The following UBE3C variants were observed in gnomAD, a reference collection of about 807,000 sequenced individuals.
UBE3C encodes ubiquitin protein ligase E3C.
A neutral mutation model predicts 129.4 loss-of-function variants in UBE3C; 42 were observed. The ratio of observed to expected loss-of-function variants is 0.32; its 90% CI spans 0.25 to 0.42. UBE3C has a LOEUF of 0.42. Among genes scored for constraint, UBE3C ranks in the 10% least tolerant of loss-of-function variants. UBE3C has a pLI of 1.00. For missense variants in UBE3C, 1,049 were observed against 1,319.1 expected (o/e 0.80, Z 3.17); for synonymous variants, 510 against 492.4 (o/e 1.04, Z -0.47).
intron 18 of UBE3C, among the ~76,000 whole-genome samples, chr7:157,235,713 A>G (rs1181660826): frequency 6.6e-6 from 1 of 152,252 alleles, no homozygotes; most frequent in Non-Finnish European, 1.5e-5. Context: ...ACCAATAACA[A>G]AACTAAGAGT....
At chr7:157,147,692 T>C (rs1807645115) in intron 1 of UBE3C, among the ~76,000 whole-genome samples, 1 of 152,202 alleles carries the variant, frequency 6.6e-6, no homozygotes, top group Non-Finnish European at 1.5e-5. Context: ...TTGGTAGATA[T>C]TCTTTATCAA....
chr7:157,139,839 A>G (rs1410980686), intron 1 of UBE3C, among the ~76,000 whole-genome samples: 1 of 152,234 alleles, frequency 6.6e-6, no homozygotes, highest in African/African-American at 2.4e-5. Flanking sequence ...TTTCGGTTGT[A>G]GAAGGTGAAC....
chr7:157,237,887 TAA>T (rs3837147), intron 18 of UBE3C, among the ~76,000 whole-genome samples: 20 of 110,932 alleles, frequency 1.8e-4, no homozygotes, highest in Admixed American at 1.7e-4. Context: ...TCTCTACCAC[TAA>T]AAAAAAAAAA....
chr7:157,198,228 C>T, intron 10 of UBE3C: 1 of 1,433,238 alleles, frequency 7.0e-7, no homozygotes, highest in Non-Finnish European at 9.9e-7. Context: ...AAAGGAATTA[C>T]CCAATCTGTA....
At chr7:157,197,753 A>T in intron 10 of UBE3C, 1 of 1,611,950 alleles carries the variant, frequency 6.2e-7, no homozygotes, top group Non-Finnish European at 8.5e-7. Context: ...AGTTCCGGAC[A>T]TCCAGGATCC....
At chr7:157,140,456 C>G (rs548137931) in intron 1 of UBE3C, among the ~76,000 whole-genome samples, 37 of 152,208 alleles carry the variant, frequency 2.4e-4, no homozygotes, top group African/African-American at 7.9e-4. Flanking sequence ...CACTTGTGCT[C>G]CAGAACTAAG....
Position 157,220,790 on chromosome 7 carries a change from G to T in UBE3C, c.2002+14G>T. 1.2e-6 allele frequency: 2 copies of T among 1,613,742 alleles called. No homozygotes were observed. The highest frequency in any genetic ancestry group is 1.7e-6 in the Non-Finnish European group (2 of 1,179,734). ...CCACCCTGGACGGTGAGTTCTCTAG[G>T]ACACAGGGTTACTGAGGTATGAATT... On this transcript the variant is annotated intron_variant, in intron 15 of 22. Transcript: ENST00000348165.
At chr7:157,187,380 G>GTT (rs1165885527) in intron 10 of UBE3C, among the ~76,000 whole-genome samples, 35 of 131,864 alleles carry the variant, frequency 2.7e-4, no homozygotes, top group African/African-American at 9.8e-4. Context: ...TGTTTTATGG[G>GTT]GTTTTTTTTT....
intron 17 of UBE3C, among the ~76,000 whole-genome samples, chr7:157,229,758 G>A (rs1407115946): frequency 6.6e-6 from 1 of 152,046 alleles, no homozygotes; most frequent in African/African-American, 2.4e-5. Context: ...GGAATTACAG[G>A]CACATACCAC....
At chr7:157,265,144 G>T (rs1036742516) in intron 22 of UBE3C, among the ~76,000 whole-genome samples, 1 of 152,230 alleles carries the variant, frequency 6.6e-6, no homozygotes, top group African/African-American at 2.4e-5. Context: ...CAGGAGTTGT[G>T]AATGTGGGTG....
At chr7:157,163,644 C>G (rs1808135604) in intron 1 of UBE3C, among the ~76,000 whole-genome samples, 166 bp from the exon 2 acceptor site, 1 of 152,142 alleles carries the variant, frequency 6.6e-6, no homozygotes, top group African/African-American at 2.4e-5. Flanking sequence ...TCTGGGAAAC[C>G]ATTTAACTTC....
chr7:157,200,774 A>G (rs111902520), intron 10 of UBE3C, among the ~76,000 whole-genome samples: 1,734 of 152,106 alleles, frequency 0.011, 27 homozygotes, highest in African/African-American at 0.04. Context: ...AGCTGGGACT[A>G]CAGCCACCAC....
chr7:157,236,991 C>T (rs2116650847), intron 18 of UBE3C, among the ~76,000 whole-genome samples: 1 of 152,246 alleles, frequency 6.6e-6, no homozygotes, highest in East Asian at 1.9e-4. Context: ...CTCAGCCTTC[C>T]AAAGTGCTGG....
chr7:157,231,251 C>T lies in UBE3C; in HGVS notation c.2405C>T (p.Pro802Leu). 1.9e-6 allele frequency: 3 copies of T among 1,614,140 alleles called. No homozygotes were observed. Among genetic ancestry groups the T allele is most frequent in the Non-Finnish European group, 2.5e-6 (3 of 1,180,032 alleles). ...FKTTNEGLLY[P>L]NPAAQMLVGD... ...ACTACTAATGAAGGGCTTCTGTACCCCAACCCGGCTGCTCAGATGCTTGTG... is the reference window on the plus strand; with the variant it reads ...ACTACTAATGAAGGGCTTCTGTACCTCAACCCGGCTGCTCAGATGCTTGTG... The change falls in exon 18 of 23, where the codon CCC becomes CTC. Residue 802 changes from proline (P) to leucine (L), a missense_variant. Pro to Leu is a moderately conservative substitution (Grantham distance 98). Coordinates refer to ENST00000348165, the MANE Select transcript of UBE3C (RefSeq NM_014671.3).
Position 157,169,131 on chromosome 7 carries a change from G to T in UBE3C, c.195+9G>T, listed in dbSNP as rs1808297424. 4 of 1,610,558 alleles carry T rather than the reference G, an allele frequency of 2.5e-6. No individual in the cohort carries two copies. Among genetic ancestry groups the T allele is most frequent in the Non-Finnish European group, 3.4e-6 (4 of 1,177,550 alleles). ...GAGACAGAAAACAGCAAGTAAGTTT[G>T]TTTTAAAATGAGGAGATTAGTAGGG... On this transcript the variant is annotated intron_variant, in intron 3 of 22. Coordinates refer to ENST00000348165, the MANE Select transcript of UBE3C (RefSeq NM_014671.3).
In UBE3C at chr7:157,233,953, A is replaced by C. The variant is rs1167527638; in HGVS notation, c.2481+2626A>C. Among the ~76,000 whole-genome samples the C allele has an allele frequency of 2.0e-5, 3 of 152,198 alleles. No homozygotes were observed. The East Asian group carries it at 5.8e-4, about 29-fold the overall frequency. On this transcript the variant is annotated intron_variant, in intron 18 of 22. Transcript: ENST00000348165. ...ATTTCCCTGGTGACTAATAATGTTG[A>C]CCATCTTTTCATGTGCTTCATGACT...
At chr7:157,202,294 T>A (rs1004447381) in intron 11 of UBE3C, among the ~76,000 whole-genome samples, 1 of 152,236 alleles carries the variant, frequency 6.6e-6, no homozygotes, top group Non-Finnish European at 1.5e-5. Flanking sequence ...GGTAGGAATT[T>A]CATACTTAAA....
At chr7:157,215,574 G>A (rs1235224829) in intron 13 of UBE3C, among the ~76,000 whole-genome samples, 4 of 148,406 alleles carry the variant, frequency 2.7e-5, no homozygotes, top group Non-Finnish European at 4.5e-5. Context: ...TATTAGAAAT[G>A]TTATTTCTAA....
At chr7:157,225,385 T>G in intron 16 of UBE3C, 22 bp from the exon 17 acceptor site, 1 of 1,588,716 alleles carries the variant, frequency 6.3e-7, no homozygotes, top group East Asian at 2.3e-5. Context: ...CTAATAACCT[T>G]ACAGCTTTCC....
Sources: gnomAD v4.1 joint callset for allele counts (sites outside exome capture counted in the v4.1 genomes callset) on GRCh38, gnomAD v4.1.1 for gene constraint, MANE v1.5 for transcripts, NCBI Gene and HGNC (gene_info 2026-07-23, HGNC 2026-07-21) for gene names.